The following CNTN4 variants were observed in gnomAD, a reference collection of about 807,000 sequenced individuals.
CNTN4 encodes contactin-4.
In CNTN4, 77 loss-of-function variants were observed where a neutral mutation model predicts 122.5. The observed-to-expected ratio is 0.63, with a 90% confidence interval of 0.52 to 0.76. The LOEUF (loss-of-function observed/expected upper bound fraction) is 0.76, where lower values mean the gene tolerates loss of function less well. CNTN4 is among the 30% of genes least tolerant of loss of function. The pLI is 0.00. For missense variants in CNTN4, 1,256 were observed against 1,259.1 expected, an observed-to-expected ratio of 1.00 and a Z score of 0.04; for synonymous variants, 512 against 447.0, an observed-to-expected ratio of 1.15 and a Z score of -1.83.
At chr3:2,966,630 G>A (rs2125056982) in intron 13 of CNTN4, among the ~76,000 whole-genome samples, 1 of 152,214 alleles carries the variant, frequency 6.6e-6, no homozygotes, top group Admixed American at 6.5e-5. Context: ...CACAAAATTT[G>A]AATGTTCCTA....
intron 4 of CNTN4, among the ~76,000 whole-genome samples, chr3:2,681,583 G>A (rs1173739087): frequency 6.6e-6 from 1 of 151,986 alleles, no homozygotes; most frequent in Non-Finnish European, 1.5e-5. Flanking sequence ...TAGATATGTA[G>A]GTTGTACCTT....
At chr3:2,542,446 C>T (rs771110131) in intron 3 of CNTN4, among the ~76,000 whole-genome samples, 3 of 152,072 alleles carry the variant, frequency 2.0e-5, no homozygotes, top group Admixed American at 1.3e-4. Flanking sequence ...TGAACTAGCA[C>T]CAGAAAATCT....
chr3:2,243,431 T>C (rs1279235081), intron 2 of CNTN4, among the ~76,000 whole-genome samples: 1 of 152,142 alleles, frequency 6.6e-6, no homozygotes, highest in Admixed American at 6.5e-5. Flanking sequence ...AAAGCAAGCT[T>C]GTTCAACCTG....
intron 7 of CNTN4, among the ~76,000 whole-genome samples, chr3:2,819,918 A>G (rs1243730253): frequency 6.6e-6 from 1 of 152,120 alleles, no homozygotes; most frequent in Non-Finnish European, 1.5e-5. Flanking sequence ...GCCCTACTTC[A>G]TTTCATCTCC....
intron 6 of CNTN4, among the ~76,000 whole-genome samples, chr3:2,758,254 G>A (rs1265864493): frequency 6.6e-6 from 1 of 152,140 alleles, no homozygotes; most frequent in Non-Finnish European, 1.5e-5. Context: ...GATAATGAAT[G>A]TTGATAAGTG....
At chr3:2,749,048 G>A (rs766609480) in intron 6 of CNTN4, among the ~76,000 whole-genome samples, 8 of 152,068 alleles carry the variant, frequency 5.3e-5, no homozygotes, top group Non-Finnish European at 8.8e-5. Flanking sequence ...GAAAGTTTCC[G>A]TGTCACCCTG....
intron 14 of CNTN4, among the ~76,000 whole-genome samples, chr3:2,995,005 T>A (rs1695405253): frequency 6.6e-6 from 1 of 152,172 alleles, no homozygotes; most frequent in Admixed American, 6.6e-5. Context: ...TTAAGGGTAT[T>A]TCTAATAGGA....
At chr3:2,684,241 G>A (rs1254900909) in intron 4 of CNTN4, among the ~76,000 whole-genome samples, 1 of 152,134 alleles carries the variant, frequency 6.6e-6, no homozygotes, top group East Asian at 1.9e-4. Context: ...AAGGCTTCAA[G>A]GGGAGAGTAA....
intron 13 of CNTN4, among the ~76,000 whole-genome samples, chr3:2,940,629 G>C (rs2094606600): frequency 6.6e-6 from 1 of 152,136 alleles, no homozygotes; most frequent in Admixed American, 6.5e-5. Flanking sequence ...TTCTCAAGGA[G>C]AGAGCAGAAG....
Position 2,108,158 on chromosome 3 carries a change from G to A in CNTN4, c.-145+7519G>A, listed in dbSNP as rs77283984. Among the ~76,000 whole-genome samples, 400 of 136,914 alleles carry A rather than the reference G, an allele frequency of 2.9e-3. 1 individual carries two copies. The highest frequency in any genetic ancestry group is 0.01 in the African/African-American group (389 of 37,342). The allele number at this position is 136,914 out of a possible 152,430, so 89.8% of individuals were successfully genotyped here. A position where few individuals can be genotyped will look rare whatever the true frequency, so the allele number is the denominator to read the frequency against. On this transcript the variant is annotated intron_variant, in intron 2 of 24. Coordinates refer to ENST00000418658, the MANE Select transcript of CNTN4 (RefSeq NM_175607.3). ...TCACCCATCCTGGAACTTTTCATGT[G>A]CCTTTTCTTTTTTTTTTTTTTTTTT...
intron 10 of CNTN4, among the ~76,000 whole-genome samples, chr3:2,898,647 C>G (rs1218163134): frequency 1.3e-5 from 2 of 152,218 alleles, no homozygotes; most frequent in Non-Finnish European, 2.9e-5. Context: ...ATTGAAATCT[C>G]TCTCTCTGCA....
intron 2 of CNTN4, among the ~76,000 whole-genome samples, chr3:2,123,619 G>A (rs918237659): frequency 6.6e-6 from 1 of 152,116 alleles, no homozygotes; most frequent in African/African-American, 2.4e-5. Flanking sequence ...CTGACATCTC[G>A]CAAGATTAAT....
chr3:2,339,696 C>T (rs535215200), intron 3 of CNTN4, among the ~76,000 whole-genome samples: 37 of 152,262 alleles, frequency 2.4e-4, no homozygotes, highest in Admixed American at 1.3e-4. Flanking sequence ...AACTCACTGT[C>T]TACAATGTAT....
In CNTN4 at chr3:2,663,707, G is replaced by A. The variant is rs534928855; in HGVS notation, c.56-72508G>A. 1.4e-4 allele frequency among the ~76,000 whole-genome samples: 21 copies of A among 152,220 alleles called. No individual in the cohort carries two copies. The East Asian group carries it at 3.1e-3, about 22-fold the overall frequency. ...TCTAAAATGATAAAGAGAACCAAGGGAAGAAAGAATTTTTTAAAACAAGGT... is the reference window on the plus strand; with the variant it reads ...TCTAAAATGATAAAGAGAACCAAGGAAAGAAAGAATTTTTTAAAACAAGGT... On this transcript the variant is annotated intron_variant, in intron 4 of 24. Transcript: ENST00000418658.
chr3:3,012,277 T>C (rs1298298414), intron 14 of CNTN4, among the ~76,000 whole-genome samples: 3 of 152,070 alleles, frequency 2.0e-5, no homozygotes, highest in African/African-American at 7.2e-5. Context: ...CAACAAAATA[T>C]CAGTTGAGAT....
At chr3:2,910,974 C>A (rs1322054571) in intron 12 of CNTN4, among the ~76,000 whole-genome samples, 2 of 152,184 alleles carry the variant, frequency 1.3e-5, no homozygotes, top group Admixed American at 1.3e-4. Context: ...ATTTATGGCA[C>A]TCGCTTGCTG....
intron 2 of CNTN4, among the ~76,000 whole-genome samples, chr3:2,194,436 G>GCGACA (rs1464057058): frequency 2.8e-4 from 42 of 152,220 alleles, no homozygotes; most frequent in African/African-American, 9.4e-4. Context: ...ACTCCAGCCT[G>GCGACA]GGTGACAGAG....
intron 2 of CNTN4, among the ~76,000 whole-genome samples, chr3:2,173,744 A>C (rs747784619): frequency 3.9e-5 from 6 of 152,224 alleles, no homozygotes; most frequent in Non-Finnish European, 7.3e-5. Context: ...AGAAATAATA[A>C]TAATAGTTTA....
chr3:2,932,802 TTATTTATTTA>T (rs1306499977), intron 13 of CNTN4, among the ~76,000 whole-genome samples: 1 of 85,834 alleles, frequency 1.2e-5, no homozygotes, highest in East Asian at 3.7e-4. Flanking sequence ...CTTACAGTCT[TTATTTATTTA>T]TTTATTTATT....
Sources: gnomAD v4.1 joint callset for allele counts (sites outside exome capture counted in the v4.1 genomes callset) on GRCh38, gnomAD v4.1.1 for gene constraint, MANE v1.5 for transcripts, NCBI Gene and HGNC (gene_info 2026-07-23, HGNC 2026-07-21) for gene names.